Variants in RGS9 observed in about 807,000 individuals in gnomAD.
RGS9 encodes regulator of G protein signaling 9.
In RGS9, 78 loss-of-function variants were observed where a neutral mutation model predicts 102.0. The observed-to-expected ratio is 0.76, with a 90% CI of 0.64 to 0.92. RGS9 has a LOEUF of 0.92. RGS9 is among the 40% of genes least tolerant of loss of function. The pLI is 0.00. For missense variants in RGS9, 833 were observed against 866.1 expected (o/e 0.96, Z 0.48); for synonymous variants, 353 against 318.6 (o/e 1.11, Z -1.15).
chr17:65,191,200 C>T (rs1234802458), intron 11 of RGS9, among the ~76,000 whole-genome samples: 2 of 152,160 alleles, frequency 1.3e-5, no homozygotes, highest in Non-Finnish European at 2.9e-5. Context: ...GTGATAAACT[C>T]AAAACCATTT....
intron 13 of RGS9, among the ~76,000 whole-genome samples, chr17:65,198,093 A>T (rs775770474): frequency 2.6e-5 from 4 of 152,108 alleles, no homozygotes; most frequent in Non-Finnish European, 5.9e-5. Flanking sequence ...GAATCCTTGA[A>T]GTTTTGGAAA....
At chr17:65,170,755 C>G (rs532477970) in intron 8 of RGS9, among the ~76,000 whole-genome samples, 52 of 152,236 alleles carry the variant, frequency 3.4e-4, no homozygotes, top group African/African-American at 1.2e-3. Context: ...CCTAGAACTT[C>G]CAGGACTAAA....
intron 18 of RGS9, among the ~76,000 whole-genome samples, chr17:65,226,138 G>C (rs1391309121): frequency 6.6e-6 from 1 of 152,234 alleles, no homozygotes; most frequent in African/African-American, 2.4e-5. Flanking sequence ...CAGGCCAGAG[G>C]GGGCAGAACT....
At chr17:65,196,674 T>C (rs965276231) in intron 12 of RGS9, among the ~76,000 whole-genome samples, 5 of 149,602 alleles carry the variant, frequency 3.3e-5, no homozygotes, top group Admixed American at 2.0e-4. Flanking sequence ...GGGTGTGCCA[T>C]GGTAGGGGGG....
Position 65,160,291 on chromosome 17 carries a change from C to A in RGS9, c.264C>A (p.Asp88Glu). ...ATGGCTACATTTACCCCCTGCAAGA[C>A]CCCAAGAATCTCATTCTCAAGCCTG... Reference protein sequence around the residue: ...VRYGYIYPLQDPKNLILKPDG... With the variant: ...VRYGYIYPLQEPKNLILKPDG... The change falls in exon 4 of 19, where the codon GAC becomes GAA. Residue 88 changes from aspartate to glutamate, a missense_variant. By Grantham distance (45) the Asp-to-Glu change is conservative. Coordinates refer to ENST00000262406, the MANE Select transcript of RGS9 (RefSeq NM_003835.4). 1 of 1,614,220 alleles carries A rather than the reference C, an allele frequency of 6.2e-7. No individual in the cohort carries two copies. The highest frequency in any genetic ancestry group is 1.3e-5 in the African/African-American group (1 of 75,060).
At chr17:65,211,343 C>T (rs1273035651) in intron 17 of RGS9, among the ~76,000 whole-genome samples, 1 of 152,204 alleles carries the variant, frequency 6.6e-6, no homozygotes, top group Non-Finnish European at 1.5e-5. Flanking sequence ...CTCTTCTTCC[C>T]ATCTCCCCAT....
chr17:65,168,973 C>T (rs1050119307), intron 8 of RGS9, among the ~76,000 whole-genome samples: 3 of 152,190 alleles, frequency 2.0e-5, no homozygotes, highest in African/African-American at 7.2e-5. Flanking sequence ...CAGTTTCCTC[C>T]TGTACAGCTC....
At chr17:65,168,166 T>C (rs748871503) in intron 7 of RGS9, 34 bp from the exon 8 acceptor site, 22 of 1,485,128 alleles carry the variant, frequency 1.5e-5, no homozygotes, top group Non-Finnish European at 2.1e-5. Context: ...ACACAAAGTC[T>C]TCCTGGCCTT....
intron 3 of RGS9, chr17:65,158,940 G>T: frequency 4.6e-6 from 1 of 215,302 alleles, no homozygotes; most frequent in Non-Finnish European, 9.4e-6. Flanking sequence ...TATCCCCTGT[G>T]GCCTGCACGT....
At chr17:65,179,972 GTC>G (rs375091069) in intron 9 of RGS9, 60 of 150,814 alleles carry the variant, frequency 4.0e-4, no homozygotes, top group African/African-American at 1.0e-3. Context: ...TATCTTCTCT[GTC>G]TCTCTCTCTC....
intron 17 of RGS9, among the ~76,000 whole-genome samples, chr17:65,219,762 A>C (rs1913636150): frequency 6.6e-6 from 1 of 152,110 alleles, no homozygotes; most frequent in Admixed American, 6.6e-5. Context: ...GCCCTCAACG[A>C]ACACTAGCTG....
Position 65,204,319 on chromosome 17 carries a change from G to T in RGS9, c.1203+18G>T. On this transcript the variant is annotated intron_variant, in intron 15 of 18. Coordinates refer to ENST00000262406, the MANE Select transcript of RGS9 (RefSeq NM_003835.4). Reference sequence around the variant, plus strand: ...TGAAGAAGGTAGGTGGGTCCGTGCTGTGGATACGGGGTCCAGATAGGCTTT... The same window carrying T: ...TGAAGAAGGTAGGTGGGTCCGTGCTTTGGATACGGGGTCCAGATAGGCTTT... 6.2e-7 allele frequency: 1 copy of T among 1,613,512 alleles called. No individual in the cohort carries two copies.
chr17:65,161,354 C>T (rs572945646), intron 6 of RGS9, among the ~76,000 whole-genome samples: 8 of 152,296 alleles, frequency 5.3e-5, no homozygotes, highest in African/African-American at 1.2e-4. Context: ...CAGGTTCAAG[C>T]GATTCTCCTG....
At chr17:65,140,015 CG>C (rs1205034015) in intron 1 of RGS9, among the ~76,000 whole-genome samples, 6 of 152,322 alleles carry the variant, frequency 3.9e-5, no homozygotes, top group Admixed American at 3.9e-4. Flanking sequence ...ATGAAGTACA[CG>C]GTGTCCATGA....
intron 17 of RGS9, among the ~76,000 whole-genome samples, chr17:65,214,070 G>T (rs55948933): frequency 0.16 from 24,687 of 151,992 alleles, 3,128 homozygotes; most frequent in African/African-American, 0.35. Flanking sequence ...CTAGCAATTC[G>T]CTCATCTCAG....
chr17:65,160,172 C>T lies in RGS9; in HGVS notation c.206-61C>T, dbSNP rs139145718. ...CTGGAGTTTGGGGTGCCGTGGGGGC[C>T]GGCAATGAGCTCCTGTCTCAGCCCT... On this transcript the variant is annotated intron_variant, in intron 3 of 18. Transcript: ENST00000262406. The T allele has an allele frequency of 1.9e-3, 2,518 of 1,330,674 alleles. 4 individuals are homozygous for T. Among genetic ancestry groups the T allele is most frequent in the Non-Finnish European group, 2.5e-3 (2,271 of 923,044 alleles). 82.4% of individuals were successfully genotyped at this position (1,330,674 alleles called of 1,614,324 possible).
chr17:65,195,522 G>A (rs73994748), intron 12 of RGS9, among the ~76,000 whole-genome samples: 15,789 of 151,984 alleles, frequency 0.1, 929 homozygotes, highest in Middle Eastern at 0.14. Flanking sequence ...TATCAACTGT[G>A]CCGCGTACAC....
chr17:65,195,541 G>A (rs771502155), intron 12 of RGS9, among the ~76,000 whole-genome samples: 15 of 151,940 alleles, frequency 9.9e-5, no homozygotes, highest in East Asian at 3.9e-4. Flanking sequence ...ACTGAACCCC[G>A]TTTTTAGTCT....
chr17:65,195,554 T>C (rs957502042), intron 12 of RGS9, among the ~76,000 whole-genome samples: 1 of 152,186 alleles, frequency 6.6e-6, no homozygotes, highest in Non-Finnish European at 1.5e-5. Context: ...TTTAGTCTTA[T>C]ATCCCTCACT....
Sources: allele counts gnomAD v4.1 joint callset (sites outside exome capture counted in the v4.1 genomes callset), GRCh38; gene constraint gnomAD v4.1.1; transcripts MANE v1.5; gene names NCBI Gene and HGNC (gene_info 2026-07-23, HGNC 2026-07-21).